The following RILPL1 variants were observed in gnomAD, a reference collection of about 807,000 sequenced individuals.
The protein encoded by RILPL1 is Rab interacting lysosomal protein like 1, also known as RILP-like protein 1.
RILPL1 carries 33 observed loss-of-function variants against 50.3 expected under a neutral mutation model. The ratio of observed to expected loss-of-function variants is 0.66; its 90% CI spans 0.50 to 0.88. The LOEUF (loss-of-function observed/expected upper bound fraction) is 0.88. Ranked by LOEUF, RILPL1 falls within the 40% of genes least tolerant of loss-of-function variation. The probability of loss-of-function intolerance (pLI) is 0.00; values close to 1 mark genes in which losing one functional copy is unlikely to be tolerated. For synonymous variants in RILPL1, 205 were observed against 228.6 expected, an observed-to-expected ratio of 0.90 and a Z score of 0.93; for missense variants, 418 against 542.5, an observed-to-expected ratio of 0.77 and a Z score of 2.28.
Position 123,485,915 on chromosome 12 carries a change from T to A in RILPL1, c.802-110A>T. 8.8e-7 allele frequency: 1 copy of A among 1,130,304 alleles called. No individual in the cohort carries two copies. The highest frequency in any genetic ancestry group is 1.2e-6 in the Non-Finnish European group (1 of 825,362). The allele number at this position is 1,130,304 out of a possible 1,614,324, so 70.0% of individuals were successfully genotyped here. On this transcript the variant is annotated intron_variant, in intron 4 of 6. Coordinates refer to ENST00000376874, the MANE Select transcript of RILPL1 (RefSeq NM_178314.5). This position sits in a 1 kb window ranked among gnomAD's most constrained non-coding sequence, Gnocchi z 4.0. ...CCCCTCCCGGGGTGCCAGCAGCCTG[T>A]GGAGGGTGCTATTTTCAGCACTCGC... is the stretch of plus-strand genomic sequence containing the variant.
At position 123,528,806 on chromosome 12, in the gene RILPL1, C is replaced by T. The variant is rs1368334546; in HGVS notation, c.309+4368G>A. Among the ~76,000 whole-genome samples the T allele has an allele frequency of 4.6e-5, 7 of 151,950 alleles. No homozygotes were observed. The East Asian group carries it at 7.7e-4, about 17-fold the overall frequency. On this transcript the variant is annotated intron_variant, in intron 1 of 6. Transcript: ENST00000376874. ...AAATTCTTTTTTTTTCTTCTCTCAA[C>T]GAACTGAAGTTGATGCTGGGGTTGC... is the stretch of plus-strand genomic sequence containing the variant.
At chr12:123,505,190 G>A (rs928154516) in intron 2 of RILPL1, among the ~76,000 whole-genome samples, 6 of 152,012 alleles carry the variant, frequency 3.9e-5, no homozygotes, top group Admixed American at 2.6e-4. Context: ...ACAGGCATGC[G>A]CCTGGCAATT....
At chr12:123,530,186 G>C (rs1281998522) in intron 1 of RILPL1, among the ~76,000 whole-genome samples, 1 of 152,106 alleles carries the variant, frequency 6.6e-6, no homozygotes. Context: ...TTGTTTTTGA[G>C]ACAGAGTCTC....
At chr12:123,512,211 A>G (rs1442245254) in intron 2 of RILPL1, among the ~76,000 whole-genome samples, 2 of 85,792 alleles carry the variant, frequency 2.3e-5, no homozygotes, top group Admixed American at 1.3e-4. Context: ...GGTGTGTCTG[A>G]GGTCTGTGTG....
chr12:123,484,604 C>T (rs1046922526), intron 5 of RILPL1, among the ~76,000 whole-genome samples: 2 of 151,918 alleles, frequency 1.3e-5, no homozygotes, highest in Admixed American at 6.6e-5. Flanking sequence ...TTCCGATTTC[C>T]ACCCCATCCA....
At chr12:123,520,034 A>T (rs749491610) in intron 2 of RILPL1, among the ~76,000 whole-genome samples, 1 of 152,222 alleles carries the variant, frequency 6.6e-6, no homozygotes, top group Non-Finnish European at 1.5e-5. Context: ...CGCCCTGCAG[A>T]AGTGTCAGAA....
At chr12:123,472,706 G>C (rs1881276698) in intron 6 of RILPL1, 24 bp from the exon 7 acceptor site, 6 of 1,585,826 alleles carry the variant, frequency 3.8e-6, no homozygotes, top group Non-Finnish European at 5.1e-6. Flanking sequence ...AGCAAACACA[G>C]AAATGAGAGC....
Position 123,470,897 on chromosome 12 carries a change from A to G in RILPL1, c.*1641T>C, listed in dbSNP as rs1433052395. On this transcript the variant is annotated 3_prime_UTR_variant, in exon 7 of 7. Coordinates refer to ENST00000376874, the MANE Select transcript of RILPL1 (RefSeq NM_178314.5). ...GGGTGGGAGAGAAATTCATCAGTATACCTGCTTCTATACTCTTTGAGAATA... is the reference window on the plus strand; with the variant it reads ...GGGTGGGAGAGAAATTCATCAGTATGCCTGCTTCTATACTCTTTGAGAATA... 2.0e-5 allele frequency: 3 copies of G among 152,158 alleles called. No individual in the cohort carries two copies. The highest frequency in any genetic ancestry group is 4.4e-5 in the Non-Finnish European group (3 of 68,040). The allele number at this position is 152,158 out of a possible 1,614,324, so 9.4% of individuals were successfully genotyped here.
intron 2 of RILPL1, among the ~76,000 whole-genome samples, chr12:123,500,209 C>A (rs934915613): frequency 6.6e-6 from 1 of 150,796 alleles, no homozygotes; most frequent in African/African-American, 2.4e-5. Context: ...GGGTTACAGG[C>A]GTGAGCCACC....
chr12:123,493,866 C>A (rs1003054763), intron 4 of RILPL1, among the ~76,000 whole-genome samples: 1 of 151,050 alleles, frequency 6.6e-6, no homozygotes, highest in Non-Finnish European at 1.5e-5. Context: ...CTCAATGCAA[C>A]CTCCACCTCC....
intron 6 of RILPL1, among the ~76,000 whole-genome samples, chr12:123,482,496 A>G (rs1043733986): frequency 2.6e-5 from 4 of 152,166 alleles, no homozygotes; most frequent in African/African-American, 9.6e-5. Flanking sequence ...GTTGGTCTCA[A>G]ACTCCTGGCC....
intron 4 of RILPL1, among the ~76,000 whole-genome samples, chr12:123,496,005 C>CT (rs896624102): frequency 4.0e-5 from 6 of 150,192 alleles, no homozygotes; most frequent in South Asian, 2.1e-4. Flanking sequence ...TTAACCACTC[C>CT]TTTTTTTTTC....
chr12:123,480,743 G>A (rs527815125), intron 6 of RILPL1, among the ~76,000 whole-genome samples: 1 of 152,206 alleles, frequency 6.6e-6, no homozygotes, highest in African/African-American at 2.4e-5. Flanking sequence ...TGGGCACTAA[G>A]TACTGCAGAG....
intron 6 of RILPL1, among the ~76,000 whole-genome samples, chr12:123,481,074 T>C (rs938668710): frequency 6.6e-5 from 10 of 152,128 alleles, no homozygotes; most frequent in East Asian, 3.9e-4. Flanking sequence ...AAATGAAACC[T>C]GGCCGGGCGC....
intron 6 of RILPL1, chr12:123,472,903 G>A: frequency 1.9e-6 from 1 of 532,054 alleles, no homozygotes; most frequent in Non-Finnish European, 3.4e-6. Flanking sequence ...CACGCGGTAT[G>A]GGCAAGGCAT....
intron 2 of RILPL1, among the ~76,000 whole-genome samples, chr12:123,510,880 GTGTGTGAGGTCTGTGTGTGTGTGTAT>G (rs1380085711): frequency 2.0e-5 from 3 of 146,640 alleles, no homozygotes; most frequent in Admixed American, 1.4e-4. Context: ...TGTGCAGTGT[GTGTGTGAGGTCTGTGTGTGTGTGTAT>G]TGTGTGAGGT....
At chr12:123,495,522 C>A (rs1221636586) in intron 4 of RILPL1, among the ~76,000 whole-genome samples, 51 of 141,480 alleles carry the variant, frequency 3.6e-4, no homozygotes, top group East Asian at 2.0e-3. Flanking sequence ...CTACAGGTGT[C>A]CACCACCATG....
Position 123,484,179 on chromosome 12 carries a change from C to T in RILPL1, c.1067+1G>A. On this transcript the variant is annotated splice_donor_variant, in intron 6 of 6. Coordinates refer to ENST00000376874, the MANE Select transcript of RILPL1 (RefSeq NM_178314.5). LOFTEE classifies it high-confidence loss of function. ...GCAGAAGCTGGCAGCGCATCACTTACAGTCGCTTGATGCCCGACTCCGGCT... is the reference window on the plus strand; with the variant it reads ...GCAGAAGCTGGCAGCGCATCACTTATAGTCGCTTGATGCCCGACTCCGGCT... The T allele has an allele frequency of 6.3e-7, 1 of 1,599,350 alleles. No individual in the cohort carries two copies. The highest frequency in any genetic ancestry group is 1.1e-5 in the South Asian group (1 of 90,728).
intron 6 of RILPL1, among the ~76,000 whole-genome samples, chr12:123,478,934 G>A (rs1405243378): frequency 6.6e-6 from 1 of 152,212 alleles, no homozygotes; most frequent in African/African-American, 2.4e-5. Context: ...GACAGCAGCT[G>A]CTCAATCACA....
Sources: gnomAD v4.1 joint callset for allele counts (sites outside exome capture counted in the v4.1 genomes callset) on GRCh38, gnomAD v4.1.1 for gene constraint, Gnocchi (gnomAD v3.1) non-coding constraint, MANE v1.5 for transcripts, NCBI Gene and HGNC (gene_info 2026-07-23, HGNC 2026-07-21) for gene names.